The following NBPF11 variants were observed in gnomAD, a reference collection of about 807,000 sequenced individuals.
NBPF11 encodes the protein NBPF member 11, also known as NBPF family member NBPF11.
NBPF11 carries 72 observed loss-of-function variants against 93.9 expected under a neutral mutation model. That is an observed-to-expected ratio of 0.77 (90% CI 0.63 to 0.93). NBPF11 has a LOEUF of 0.93. NBPF11 is among the 40% of genes least tolerant of loss of function. The pLI is 0.00. For missense variants in NBPF11, 705 were observed against 802.2 expected (o/e 0.88, Z 1.46); for synonymous variants, 224 against 304.9 (o/e 0.73, Z 2.76).
rs1170292486 is a variant in NBPF11 at position 148,111,222 on chromosome 1, C to T, written c.1638-681G>A. Among the ~76,000 whole-genome samples the T allele has an allele frequency of 4.5e-4, 69 of 152,218 alleles. 1 individual carries two copies. Among genetic ancestry groups the T allele is most frequent in the African/African-American group, 1.6e-3 (65 of 41,462 alleles). On this transcript the variant is annotated intron_variant, in intron 15 of 23. Coordinates refer to ENST00000682118, the MANE Select transcript of NBPF11 (RefSeq NM_001385469.3). ...ATAGCATCAACATCAACAAAAAAGA[C>T]ATCCACCCCAAAACCCCATCTGTAG...
chr1:148,134,038 T>C (rs1670867349), intron 4 of NBPF11, among the ~76,000 whole-genome samples: 2 of 152,064 alleles, frequency 1.3e-5, no homozygotes, highest in African/African-American at 4.8e-5. Context: ...CAGAACCCTG[T>C]TGTTCTGACA....
chr1:148,149,583 C>A (rs1647749546), intron 1 of NBPF11: 4 of 1,593,196 alleles, frequency 2.5e-6, no homozygotes, highest in Admixed American at 1.7e-5. Flanking sequence ...CCCCAACCAG[C>A]CGGACCTCAG....
intron 1 of NBPF11, chr1:148,149,714 A>G (rs1417472355): frequency 4.9e-5 from 29 of 597,386 alleles, no homozygotes; most frequent in South Asian, 4.6e-4. Context: ...ATGTACAGGC[A>G]ACAGAGCTAC....
chr1:148,146,240 G>A (rs1408510905), intron 1 of NBPF11, among the ~76,000 whole-genome samples: 4 of 151,624 alleles, frequency 2.6e-5, no homozygotes, highest in Non-Finnish European at 5.9e-5. Context: ...CTGGGCCCTG[G>A]CCTCCTAACG....
intron 20 of NBPF11, 126 bp downstream of exon 20, chr1:148,106,816 T>C: frequency 1.3e-6 from 1 of 741,696 alleles, no homozygotes. Context: ...ACAACCTATA[T>C]GCACCCATAG....
At chr1:148,108,894 G>T (rs1323389720) in intron 17 of NBPF11, among the ~76,000 whole-genome samples, 2 of 103,364 alleles carry the variant, frequency 1.9e-5, no homozygotes. Flanking sequence ...CACACACAGT[G>T]TGAGCTCAGT....
chr1:148,114,761 A>G (rs1174828431), intron 14 of NBPF11, among the ~76,000 whole-genome samples: 1 of 142,754 alleles, frequency 7.0e-6, no homozygotes, highest in Admixed American at 7.1e-5. Context: ...TTCCCCAAAA[A>G]AATCTCCAAA....
intron 5 of NBPF11, among the ~76,000 whole-genome samples, 173 bp from the exon 6 acceptor site, chr1:148,125,174 A>G (rs1461435320): frequency 6.6e-6 from 1 of 151,956 alleles, no homozygotes; most frequent in African/African-American, 2.4e-5. Context: ...CTGGCATCTG[A>G]TCCTCCAAAA....
At chr1:148,105,821 C>T (rs1255178828) in intron 21 of NBPF11, among the ~76,000 whole-genome samples, 9 of 139,808 alleles carry the variant, frequency 6.4e-5, no homozygotes, top group Non-Finnish European at 1.4e-4. Context: ...CCAGGTGACA[C>T]ACTGATGAGG....
chr1:148,149,875 A>G (rs1204168281), intron 1 of NBPF11, among the ~76,000 whole-genome samples: 2 of 152,016 alleles, frequency 1.3e-5, no homozygotes, highest in African/African-American at 2.4e-5. Context: ...TACCAGGAAA[A>G]TGGAAGTTGA....
chr1:148,109,199 G>C, intron 17 of NBPF11, 85 bp downstream of exon 17: 4 of 1,011,288 alleles, frequency 4.0e-6, no homozygotes, highest in Non-Finnish European at 6.2e-6. Flanking sequence ...ACAAAATCAT[G>C]ATTTTCAGCG....
At chr1:148,123,677 C>G (rs1338062398) in intron 7 of NBPF11, among the ~76,000 whole-genome samples, 176 bp downstream of exon 7, 22 of 152,130 alleles carry the variant, frequency 1.4e-4, no homozygotes, top group African/African-American at 5.3e-4. Flanking sequence ...ACTGTGACCT[C>G]CAAACCGATG....
chr1:148,104,160 G>C lies in NBPF11; in HGVS notation c.2582-248C>G, dbSNP rs1302509477. Among the ~76,000 whole-genome samples the C allele has an allele frequency of 3.4e-3, 480 of 140,010 alleles. 1 individual carries two copies. Among genetic ancestry groups the C allele is most frequent in the African/African-American group, 5.0e-3 (179 of 36,052 alleles). The allele number at this position is 140,010 out of a possible 152,430, so 91.9% of individuals were successfully genotyped here. ...AGAGACAGAGACAGAGAGAAAGTGA[G>C]CTAGTGAATTGGCCAGGTGACATAC... On this transcript the variant is annotated intron_variant, in intron 23 of 23. Coordinates refer to ENST00000682118, the MANE Select transcript of NBPF11 (RefSeq NM_001385469.3).
chr1:148,133,210 AG>A, intron 4 of NBPF11, among the ~76,000 whole-genome samples: 1 of 151,716 alleles, frequency 6.6e-6, no homozygotes, highest in East Asian at 1.9e-4. Context: ...CTCACTGATT[AG>A]TTCTGGTAGA....
In NBPF11 at chr1:148,115,933, C is replaced by A. The variant is rs1237284840; in HGVS notation, c.1445G>T (p.Cys482Phe). ...GTCATAAGGGCCATGGCTATTTGAA[C>A]AAGTGATGGCACACTCCTCCAGTGA... is the stretch of plus-strand genomic sequence containing the variant. ...EDSLEECAIT[C>F]SNSHGPYDSN... The change falls in exon 14 of 24, where the codon TGT becomes TTT. Residue 482 changes from cysteine (C) to phenylalanine (F), a missense_variant. Transcript: ENST00000682118. The A allele has an allele frequency of 6.3e-7, 1 of 1,586,380 alleles. No homozygotes were observed. Among genetic ancestry groups the A allele is most frequent in the Non-Finnish European group, 8.6e-7 (1 of 1,163,964 alleles).
chr1:148,146,501 C>G, intron 1 of NBPF11: 1 of 1,603,856 alleles, frequency 6.2e-7, no homozygotes, highest in Admixed American at 1.7e-5. Flanking sequence ...GCCACCTACT[C>G]CCTGGTGCCT....
intron 5 of NBPF11, among the ~76,000 whole-genome samples, chr1:148,126,434 GCC>G (rs1669130016): frequency 2.6e-5 from 4 of 151,452 alleles, no homozygotes; most frequent in Middle Eastern, 3.4e-3. Flanking sequence ...ACAGAGCTTT[GCC>G]TGTTGGGCCT....
rs1256051817 is a variant in NBPF11 at position 148,133,537 on chromosome 1, T to C, written c.-36+2135A>G. Reference sequence around the variant, plus strand: ...ATTTTCTGGGGTTTGTTTTTATAAATCATGAAAAAAGTTTTCAATTTTGCC... The same window carrying C: ...ATTTTCTGGGGTTTGTTTTTATAAACCATGAAAAAAGTTTTCAATTTTGCC... On this transcript the variant is annotated intron_variant, in intron 4 of 23. Transcript: ENST00000682118. 5.9e-4 allele frequency among the ~76,000 whole-genome samples: 90 copies of C among 152,146 alleles called. 1 individual carries two copies. The highest frequency in any genetic ancestry group is 1.2e-4 in the Non-Finnish European group (8 of 68,042).
chr1:148,146,608 G>A, intron 1 of NBPF11: 1 of 1,610,502 alleles, frequency 6.2e-7, no homozygotes, highest in Non-Finnish European at 8.5e-7. Flanking sequence ...GCACCTGACG[G>A]AGCGTGCCGA....
Sources: allele counts gnomAD v4.1 joint callset (sites outside exome capture counted in the v4.1 genomes callset), GRCh38; gene constraint gnomAD v4.1.1; transcripts MANE v1.5; gene names NCBI Gene and HGNC (gene_info 2026-07-23, HGNC 2026-07-21).